Variants in FRMPD4 observed in about 807,000 individuals in gnomAD.
FRMPD4 encodes the protein FERM and PDZ domain-containing protein 4.
In FRMPD4, 22 loss-of-function variants were observed where a neutral mutation model predicts 94.1. The ratio of observed to expected loss-of-function variants is 0.23; its 90% CI spans 0.17 to 0.33. The LOEUF (loss-of-function observed/expected upper bound fraction) is 0.33, where lower values mean the gene tolerates loss of function less well. Ranked by LOEUF, FRMPD4 falls within the 10% of genes least tolerant of loss-of-function variation. The probability of loss-of-function intolerance (pLI) is 1.00; values close to 1 mark genes in which losing one functional copy is unlikely to be tolerated. For missense variants in FRMPD4, 1,111 were observed against 1,339.9 expected, an observed-to-expected ratio of 0.83 and a Z score of 2.67; for synonymous variants, 631 against 548.6, an observed-to-expected ratio of 1.15 and a Z score of -2.10.
intron 1 of FRMPD4, among the ~76,000 whole-genome samples, chrX:12,446,676 C>T (rs1176372509): frequency 2.7e-5 from 3 of 111,795 alleles, no homozygotes; most frequent in Non-Finnish European, 5.6e-5. Context: ...TCTTGTCTGC[C>T]ACCATGTAAG....
chrX:12,231,003 A>G (rs866467069), intron 1 of FRMPD4, among the ~76,000 whole-genome samples: 8 of 41,543 alleles, frequency 1.9e-4, no homozygotes, highest in African/African-American at 5.8e-4. Context: ...AGTATATATA[A>G]TATATAGTAT....
chrX:12,562,195 G>T (rs1300455232), intron 2 of FRMPD4, among the ~76,000 whole-genome samples: 1 of 112,564 alleles, frequency 8.9e-6, no homozygotes, highest in African/African-American at 3.2e-5. Flanking sequence ...GGTGGGTTGG[G>T]TATTCCCCAG....
intron 1 of FRMPD4, among the ~76,000 whole-genome samples, chrX:12,477,638 TAGAC>T (rs759378226): frequency 2.7e-5 from 3 of 112,249 alleles, no homozygotes; most frequent in South Asian, 3.8e-4. Context: ...AACAATGTGT[TAGAC>T]AGTGAGATTT....
At chrX:12,112,337 T>C (rs1253213357) in intron 3 of FRMPD4, among the ~76,000 whole-genome samples, 1 of 111,008 alleles carries the variant, frequency 9.0e-6, no homozygotes, top group African/African-American at 3.3e-5. Flanking sequence ...AAACACCGCA[T>C]GTTCTCACTC....
Position 12,303,211 on chromosome X carries a change from G to A in FRMPD4, c.41+164199G>A, listed in dbSNP as rs757982553. Among the ~76,000 whole-genome samples, 139 of 111,908 alleles carry A rather than the reference G, an allele frequency of 1.2e-3. 1 individual carries two copies. Among genetic ancestry groups the A allele is most frequent in the Non-Finnish European group, 2.0e-3 (108 of 53,151 alleles). ...TGTTACTCAATGCTAACAGTTAAAT[G>A]TTTATTCAGAAAGAATCTTTAAAGG... is the stretch of plus-strand genomic sequence containing the variant. On this transcript the variant is annotated intron_variant, in intron 1 of 16. Coordinates refer to ENST00000675598, the MANE Select transcript of FRMPD4 (RefSeq NM_001368397.1).
intron 3 of FRMPD4, among the ~76,000 whole-genome samples, chrX:11,983,918 C>G (rs1179235753): frequency 8.9e-6 from 1 of 112,342 alleles, no homozygotes; most frequent in East Asian, 2.8e-4. Context: ...GCCATTTAGT[C>G]CATCCCTAAA....
intron 3 of FRMPD4, among the ~76,000 whole-genome samples, chrX:12,045,813 T>C (rs1030999882): frequency 9.0e-6 from 1 of 111,223 alleles, no homozygotes; most frequent in African/African-American, 3.3e-5. Context: ...TATGAGACAA[T>C]GTAAATGCCC....
intron 4 of FRMPD4, among the ~76,000 whole-genome samples, chrX:12,636,323 C>T (rs760260743): frequency 8.1e-5 from 9 of 110,867 alleles, no homozygotes; most frequent in Non-Finnish European, 1.5e-4. Flanking sequence ...TGTCCTATAG[C>T]GATTTCCACA....
At chrX:12,033,964 TG>T (rs1302916080) in intron 3 of FRMPD4, among the ~76,000 whole-genome samples, 2 of 112,778 alleles carry the variant, frequency 1.8e-5, no homozygotes, top group African/African-American at 6.4e-5. Flanking sequence ...CCCAAAGTGC[TG>T]GGATTACAGG....
At chrX:12,637,056 T>TGATAA (rs1413952183) in intron 4 of FRMPD4, among the ~76,000 whole-genome samples, 2 of 112,494 alleles carry the variant, frequency 1.8e-5, no homozygotes. Context: ...GTGTGCTCAT[T>TGATAA]GATAAGGACA....
chrX:11,952,928 G>A (rs2054233403), intron 3 of FRMPD4, among the ~76,000 whole-genome samples: 1 of 111,983 alleles, frequency 8.9e-6, no homozygotes, highest in South Asian at 3.8e-4. Flanking sequence ...CCAGCAAACT[G>A]TGTTTTAGTA....
At chrX:12,628,097 T>C (rs996410902) in intron 4 of FRMPD4, among the ~76,000 whole-genome samples, 17 of 111,795 alleles carry the variant, frequency 1.5e-4, no homozygotes, top group Non-Finnish European at 2.8e-4. Context: ...GCGAAATCTA[T>C]TTTTACAGGT....
At chrX:12,538,352 ACCACGG>A (rs2058364667) in intron 2 of FRMPD4, among the ~76,000 whole-genome samples, 1 of 22,612 alleles carries the variant, frequency 4.4e-5, no homozygotes, top group Non-Finnish European at 1.7e-4. Context: ...GGTGGAGCCC[ACCACGG>A]CTCAAGGAGG....
chrX:12,227,917 G>A (rs2056941680), intron 1 of FRMPD4, among the ~76,000 whole-genome samples: 1 of 111,664 alleles, frequency 9.0e-6, no homozygotes, highest in Non-Finnish European at 1.9e-5. Flanking sequence ...GTGTATGTGT[G>A]TGTGTGTGTA....
At chrX:12,336,079 T>G (rs748815650) in intron 1 of FRMPD4, among the ~76,000 whole-genome samples, 18 of 108,682 alleles carry the variant, frequency 1.7e-4, no homozygotes, top group Non-Finnish European at 3.2e-4. Flanking sequence ...CTTTTCTAAT[T>G]TCCAAGATTT....
chrX:12,090,871 T>C (rs2055148206), intron 3 of FRMPD4, among the ~76,000 whole-genome samples: 2 of 112,500 alleles, frequency 1.8e-5, no homozygotes, highest in African/African-American at 6.5e-5. Flanking sequence ...ACACATCAAA[T>C]ATTAGTAAGG....
chrX:12,170,504 A>T (rs745467626), intron 1 of FRMPD4, among the ~76,000 whole-genome samples: 3 of 111,992 alleles, frequency 2.7e-5, no homozygotes, highest in South Asian at 3.7e-4. Flanking sequence ...CTCCTGTCAC[A>T]TGTTATGTTC....
chrX:12,504,530 GC>G (rs1169970280), intron 2 of FRMPD4, among the ~76,000 whole-genome samples: 1 of 112,222 alleles, frequency 8.9e-6, no homozygotes, highest in Non-Finnish European at 1.9e-5. Flanking sequence ...AGGTAATTAT[GC>G]CCTGTTAATA....
At chrX:11,892,854 C>T (rs1289755818) in intron 3 of FRMPD4, among the ~76,000 whole-genome samples, 2 of 112,119 alleles carry the variant, frequency 1.8e-5, no homozygotes, top group Non-Finnish European at 3.8e-5. Context: ...TGGGATGGGT[C>T]TCAGTCCTGA....
Sources: allele counts gnomAD v4.1 joint callset (sites outside exome capture counted in the v4.1 genomes callset), GRCh38; gene constraint gnomAD v4.1.1; transcripts MANE v1.5; gene names NCBI Gene and HGNC (gene_info 2026-07-23, HGNC 2026-07-21).